Variants in SLC41A3 observed in about 807,000 individuals in gnomAD.
The protein encoded by SLC41A3 is SLC41A1-like 2.
In SLC41A3, 44 loss-of-function variants were observed where a neutral mutation model predicts 45.4. The ratio of observed to expected loss-of-function variants is 0.97; its 90% CI spans 0.76 to 1.25. SLC41A3 has a LOEUF of 1.25. SLC41A3 is among the 50% of genes most tolerant of loss of function. The pLI is 0.00. For synonymous variants in SLC41A3, 256 were observed against 252.4 expected (o/e 1.01, Z -0.13); for missense variants, 550 against 600.6 (o/e 0.92, Z 0.88).
At chr3:126,059,302 GAA>G (rs745757552) in intron 2 of SLC41A3, among the ~76,000 whole-genome samples, 2 of 121,240 alleles carry the variant, frequency 1.6e-5, no homozygotes, top group Non-Finnish European at 1.8e-5. Context: ...AAGAAAGAAA[GAA>G]AGAAAGGAAG....
chr3:126,014,682 G>C (rs2244835), intron 8 of SLC41A3, among the ~76,000 whole-genome samples: 43,423 of 152,192 alleles, frequency 0.29, 6,346 homozygotes, highest in African/African-American at 0.33. Context: ...AAGGGAGGAG[G>C]GACACTGTGG....
Position 126,016,725 on chromosome 3 carries a change from G to A in SLC41A3, c.890+6C>T, listed in dbSNP as rs773140067. 1.2e-6 allele frequency: 2 copies of A among 1,605,204 alleles called. No homozygotes were observed. Among genetic ancestry groups the A allele is most frequent in the Non-Finnish European group, 1.7e-6 (2 of 1,176,744 alleles). ...AAGAGGGGCCGTGGCCCTGGCTCCT[G>A]CTCACCTGCTGATGACCATGGCCAG... On this transcript the variant is annotated splice_donor_region_variant and intron_variant, in intron 7 of 10. Coordinates refer to ENST00000360370, the MANE Select transcript of SLC41A3 (RefSeq NM_017836.4).
chr3:126,007,323 G>A (rs1204622170), intron 10 of SLC41A3, 98 bp from the exon 11 acceptor site: 9 of 1,348,876 alleles, frequency 6.7e-6, no homozygotes, highest in Non-Finnish European at 3.1e-6. Context: ...TACCAAGGTG[G>A]ACAGGTCAAC....
intron 2 of SLC41A3, among the ~76,000 whole-genome samples, chr3:126,055,096 C>T (rs902174361): frequency 6.6e-6 from 1 of 152,104 alleles, no homozygotes; most frequent in African/African-American, 2.4e-5. Context: ...CAACTTGGAC[C>T]CAGGGGCACA....
chr3:126,013,995 C>T (rs1369525683), intron 8 of SLC41A3, among the ~76,000 whole-genome samples: 1 of 152,180 alleles, frequency 6.6e-6, no homozygotes, highest in African/African-American at 2.4e-5. Flanking sequence ...GTTTCAAGCT[C>T]TGCCCGGGCC....
At chr3:126,041,639 A>G (rs1055579428) in intron 3 of SLC41A3, among the ~76,000 whole-genome samples, 2 of 152,218 alleles carry the variant, frequency 1.3e-5, no homozygotes, top group African/African-American at 4.8e-5. Context: ...AAAGTAAAGC[A>G]TTTTCCTACT....
In SLC41A3 at chr3:126,022,865, C is replaced by T. The variant is rs570915728; in HGVS notation, c.666G>A (p.Thr222=). The T allele has an allele frequency of 2.1e-5, 34 of 1,614,168 alleles. No homozygotes were observed. In the Middle Eastern group the frequency reaches 9.9e-4, roughly 47 times the overall value. ...KLGVNPDNIA[T]PIAASLGDLI... is the part of the protein sequence containing the mutation. The stretch of plus-strand genomic sequence containing the variant: ...GGTCTCCCAGGCTGGCTGCAATGGG[C>T]GTGGCAATGTTGTCTGGGTTGACCC... Residue 222 remains threonine (T), a synonymous_variant, in exon 6 of 11, where the codon ACG becomes ACA. Transcript: ENST00000360370.
intron 2 of SLC41A3, among the ~76,000 whole-genome samples, chr3:126,052,145 C>T (rs1440233971): frequency 1.3e-5 from 2 of 152,190 alleles, no homozygotes; most frequent in Middle Eastern, 3.2e-3. Context: ...TGATGGAGTT[C>T]TGAGTTTGCC....
intron 2 of SLC41A3, among the ~76,000 whole-genome samples, chr3:126,064,485 G>A (rs1200190183): frequency 6.6e-6 from 1 of 152,106 alleles, no homozygotes; most frequent in Non-Finnish European, 1.5e-5. Flanking sequence ...CTGGTATGAG[G>A]ACTAACAAAT....
At chr3:126,095,286 C>A in intron 1 of SLC41A3, 1 of 674,154 alleles carries the variant, frequency 1.5e-6, no homozygotes, top group Non-Finnish European at 2.7e-6. Flanking sequence ...CCCAAGGACC[C>A]CCTGTTGCAG....
In SLC41A3 at chr3:126,008,718, GCAGCCAGGCTTACCTGGAT is replaced by G. The variant is rs772411550; in HGVS notation, c.1249_1254+13del. 1 of 1,612,856 alleles carries G rather than the reference GCAGCCAGGCTTACCTGGAT, an allele frequency of 6.2e-7. No homozygotes were observed. Among genetic ancestry groups the G allele is most frequent in the East Asian group, 2.2e-5 (1 of 44,842 alleles). On this transcript the variant is annotated splice_donor_variant and splice_donor_5th_base_variant and coding_sequence_variant and intron_variant, in exon 10 of 11. Transcript: ENST00000360370. LOFTEE classifies it high-confidence loss of function. ...ACACAGCTGCGCACCTCTAATTGCT[GCAGCCAGGCTTACCTGGAT>G]CAGGCCTGCCAGCAGGTAGAGCACC...
chr3:126,044,750 G>T (rs931306064), intron 3 of SLC41A3, among the ~76,000 whole-genome samples: 2 of 151,544 alleles, frequency 1.3e-5, no homozygotes, highest in Non-Finnish European at 2.9e-5. Context: ...AAAAAAATTA[G>T]CCGGGCGTAG....
At chr3:126,022,981 G>C (rs371500546) in intron 5 of SLC41A3, 49 bp from the exon 6 acceptor site, 14 of 1,609,822 alleles carry the variant, frequency 8.7e-6, no homozygotes, top group Non-Finnish European at 1.2e-5. Flanking sequence ...CAGGGAGCCA[G>C]ATGGCTCTGA....
Position 126,022,694 on chromosome 3 carries a change from G to A in SLC41A3, c.745+92C>T, listed in dbSNP as rs938617216. 6 of 1,495,234 alleles carry A rather than the reference G, an allele frequency of 4.0e-6. No individual in the cohort carries two copies. The African/African-American group carries it at 8.3e-5, about 21-fold the overall frequency. 92.6% of individuals were successfully genotyped at this position (1,495,234 alleles called of 1,614,324 possible). A position where few individuals can be genotyped will look rare whatever the true frequency, so the allele number is the denominator to read the frequency against. On this transcript the variant is annotated intron_variant, in intron 6 of 10. Transcript: ENST00000360370. The stretch of plus-strand genomic sequence containing the variant: ...ATTCAAACAACAGCACATGGGCTGG[G>A]TGCAAAAGTACCCACTCAGCCTCAG...
chr3:126,085,647 C>T (rs1483661759), upstream of SLC41A3, among the ~76,000 whole-genome samples: 2 of 152,164 alleles, frequency 1.3e-5, no homozygotes, highest in African/African-American at 2.4e-5. Flanking sequence ...TTCTTTATTG[C>T]TTTTTCTCCC....
intron 1 of SLC41A3, among the ~76,000 whole-genome samples, chr3:126,095,529 T>C (rs1206041037): frequency 6.6e-6 from 1 of 152,236 alleles, no homozygotes; most frequent in African/African-American, 2.4e-5. Flanking sequence ...ATTATACTTA[T>C]TGGGCATATT....
chr3:126,061,719 T>A (rs975688212), intron 2 of SLC41A3, among the ~76,000 whole-genome samples: 1 of 151,850 alleles, frequency 6.6e-6, no homozygotes, highest in Non-Finnish European at 1.5e-5. Context: ...AACAACAGGC[T>A]CACAAACAGA....
chr3:126,026,657 G>A lies in SLC41A3; in HGVS notation c.454-178C>T, dbSNP rs1236902816. On this transcript the variant is annotated intron_variant, in intron 4 of 10. Transcript: ENST00000360370. The surrounding 1 kb of genome is among the most constrained non-coding windows in gnomAD (Gnocchi z 4.2). ...AAAACTAATACCACACCCCACACCT[G>A]CCTTGAACTCAACTCCTCCGAAACC... Among the ~76,000 whole-genome samples, 2 of 152,104 alleles carry A rather than the reference G, an allele frequency of 1.3e-5. No homozygotes were observed. Among genetic ancestry groups the A allele is most frequent in the Non-Finnish European group, 1.5e-5 (1 of 68,012 alleles).
In SLC41A3 at chr3:126,008,667, C is replaced by T. The variant is rs533482648; in HGVS notation, c.1254+65G>A. 5.0e-4 allele frequency: 792 copies of T among 1,590,766 alleles called. 9 individuals are homozygous for T. The South Asian group carries it at 8.2e-3, about 17-fold the overall frequency. On this transcript the variant is annotated intron_variant, in intron 10 of 10. Transcript: ENST00000360370. ...CGCCTCCCTCAGCCTCTCACTCAGACAAGAGATCAAGCCTGCTGGCTGACT... is the reference window on the plus strand; with the variant it reads ...CGCCTCCCTCAGCCTCTCACTCAGATAAGAGATCAAGCCTGCTGGCTGACT...
Sources: allele counts gnomAD v4.1 joint callset (sites outside exome capture counted in the v4.1 genomes callset), GRCh38; gene constraint gnomAD v4.1.1; non-coding constraint Gnocchi (gnomAD v3.1); transcripts MANE v1.5; gene names NCBI Gene and HGNC (gene_info 2026-07-23, HGNC 2026-07-21).